Variants in GPC6 observed in about 807,000 individuals in gnomAD.
GPC6 encodes the protein glypican 6, also known as glypican-6.
In GPC6, 14 loss-of-function variants were observed where a neutral mutation model predicts 55.2. The observed-to-expected ratio is 0.25, with a 90% confidence interval of 0.17 to 0.40. The LOEUF (loss-of-function observed/expected upper bound fraction) is 0.40. Ranked by LOEUF, GPC6 falls within the 10% of genes least tolerant of loss-of-function variation. The pLI is 1.00. For missense variants in GPC6, 641 were observed against 708.5 expected (o/e 0.90, Z 1.08); for synonymous variants, 278 against 259.6 (o/e 1.07, Z -0.68).
intron 2 of GPC6, among the ~76,000 whole-genome samples, chr13:93,679,450 G>C (rs1270974187): frequency 6.6e-6 from 1 of 152,136 alleles, no homozygotes; most frequent in African/African-American, 2.4e-5. Context: ...CATGCCAAAA[G>C]AAAAGAATGC....
chr13:94,266,901 T>C (rs1273846086), intron 4 of GPC6, among the ~76,000 whole-genome samples: 2 of 152,220 alleles, frequency 1.3e-5, no homozygotes, highest in African/African-American at 4.8e-5. Context: ...GAGTCTTGCA[T>C]TGATCTTCAA....
intron 1 of GPC6, among the ~76,000 whole-genome samples, chr13:93,309,147 G>T (rs575959348): frequency 6.6e-6 from 1 of 152,104 alleles, no homozygotes; most frequent in African/African-American, 2.4e-5. Flanking sequence ...ATGCTGCCTA[G>T]GTATATTGGA....
intron 4 of GPC6, among the ~76,000 whole-genome samples, chr13:94,088,588 AGGGG>A: frequency 8.7e-5 from 2 of 22,960 alleles, no homozygotes; most frequent in Non-Finnish European, 1.7e-4. Flanking sequence ...AGGGGAGGGG[AGGGG>A]AGAGGAGAGG....
chr13:94,034,418 G>A (rs148363835), intron 4 of GPC6, among the ~76,000 whole-genome samples: 94 of 152,134 alleles, frequency 6.2e-4, no homozygotes, highest in African/African-American at 2.1e-3. Flanking sequence ...ATAATGTGTG[G>A]GTATTCAGCA....
intron 1 of GPC6, among the ~76,000 whole-genome samples, chr13:93,350,020 A>G (rs374873016): frequency 6.6e-6 from 1 of 152,346 alleles, no homozygotes; most frequent in Admixed American, 6.5e-5. Context: ...TTTAATTTTC[A>G]CAACAGTCTT....
At chr13:94,177,544 A>G (rs923700032) in intron 4 of GPC6, among the ~76,000 whole-genome samples, 1 of 152,186 alleles carries the variant, frequency 6.6e-6, no homozygotes, top group African/African-American at 2.4e-5. Flanking sequence ...AACTTACTAA[A>G]AAAAAACAAG....
chr13:94,366,612 A>G (rs1021770459), intron 6 of GPC6, among the ~76,000 whole-genome samples: 3 of 152,268 alleles, frequency 2.0e-5, no homozygotes, highest in Non-Finnish European at 4.4e-5. Context: ...ATCCAGCATT[A>G]TGAAGACCGC....
intron 1 of GPC6, among the ~76,000 whole-genome samples, chr13:93,423,259 C>T (rs1041627989): frequency 6.6e-6 from 1 of 152,116 alleles, no homozygotes; most frequent in Non-Finnish European, 1.5e-5. Context: ...CCGATCAGGC[C>T]AGGTGTATCT....
At chr13:94,026,265 A>C (rs1335393395) in intron 3 of GPC6, among the ~76,000 whole-genome samples, 1 of 152,202 alleles carries the variant, frequency 6.6e-6, no homozygotes, top group African/African-American at 2.4e-5. Flanking sequence ...GCTTGCATTA[A>C]GAATCTCAAA....
chr13:93,565,947 G>GA (rs759685611), intron 2 of GPC6, among the ~76,000 whole-genome samples: 2,309 of 122,320 alleles, frequency 0.019, 23 homozygotes, highest in Non-Finnish European at 0.028. Flanking sequence ...AAAAAAAAAA[G>GA]AAAAAAAAAA....
At chr13:93,328,188 A>G (rs1415341525) in intron 1 of GPC6, among the ~76,000 whole-genome samples, 1 of 152,176 alleles carries the variant, frequency 6.6e-6, no homozygotes, top group Non-Finnish European at 1.5e-5. Context: ...GAACACTTAC[A>G]TGCATGATGT....
At chr13:93,510,195 A>G (rs542102310) in intron 1 of GPC6, among the ~76,000 whole-genome samples, 3 of 152,228 alleles carry the variant, frequency 2.0e-5, no homozygotes, top group East Asian at 1.9e-4. Flanking sequence ...TAGGATGTCT[A>G]TCTCTTGAGT....
In GPC6 at chr13:93,830,344, A is replaced by G. The variant is rs200921215; in HGVS notation, c.510A>G (p.Glu170=). ...MLNDFWARLL[E]RMFQLINPQY... ...ATGACTTTTGGGCTCGGCTCCTGGA[A>G]CGGATGTTTCAGCTGATAAACCCTC... is the stretch of plus-strand genomic sequence containing the variant. The change falls in exon 3 of 9, where the codon GAA becomes GAG. Residue 170 remains glutamate, a synonymous_variant. Transcript: ENST00000377047. 6.0e-5 allele frequency: 97 copies of G among 1,613,896 alleles called. No homozygotes were observed. Among genetic ancestry groups the G allele is most frequent in the Non-Finnish European group, 7.5e-5 (88 of 1,179,972 alleles).
At chr13:93,744,528 CTTTTTTTTTTT>C (rs71736430) in intron 2 of GPC6, among the ~76,000 whole-genome samples, 2,920 of 97,288 alleles carry the variant, frequency 0.03, 163 homozygotes, top group African/African-American at 0.12. Context: ...TTTCCCTAGT[CTTTTTTTTTTT>C]TTTTTTTTTT....
At chr13:93,433,820 A>G (rs1319569708) in intron 1 of GPC6, among the ~76,000 whole-genome samples, 2 of 152,122 alleles carry the variant, frequency 1.3e-5, no homozygotes, top group Admixed American at 1.3e-4. Flanking sequence ...ATAGCAGATT[A>G]TAGGACATGA....
intron 1 of GPC6, among the ~76,000 whole-genome samples, chr13:93,367,303 C>T (rs1258538995): frequency 6.6e-6 from 1 of 152,058 alleles, no homozygotes; most frequent in East Asian, 1.9e-4. Flanking sequence ...AGGAATATCC[C>T]TAGTTTCATT....
intron 2 of GPC6, among the ~76,000 whole-genome samples, chr13:93,565,076 C>T (rs1374791431): frequency 6.6e-6 from 1 of 152,096 alleles, no homozygotes; most frequent in Admixed American, 6.6e-5. Context: ...TGTAATTTGC[C>T]TGCAAGTCTC....
intron 2 of GPC6, among the ~76,000 whole-genome samples, chr13:93,566,247 G>C (rs1172257434): frequency 6.6e-6 from 1 of 152,176 alleles, no homozygotes; most frequent in Non-Finnish European, 1.5e-5. Context: ...TTATTCAGTA[G>C]CTTATGAAGA....
At chr13:93,654,603 C>T (rs1880572808) in intron 2 of GPC6, among the ~76,000 whole-genome samples, 1 of 152,102 alleles carries the variant, frequency 6.6e-6, no homozygotes, top group African/African-American at 2.4e-5. Context: ...GCTGGGATTA[C>T]AAATGTGATT....
Sources: gnomAD v4.1 joint callset for allele counts (sites outside exome capture counted in the v4.1 genomes callset) on GRCh38, gnomAD v4.1.1 for gene constraint, MANE v1.5 for transcripts, NCBI Gene and HGNC (gene_info 2026-07-23, HGNC 2026-07-21) for gene names.